Variants in PRMT8 observed in about 807,000 individuals in gnomAD.
PRMT8 encodes protein arginine N-methyltransferase 8.
Under a neutral mutation model 47.1 loss-of-function variants are expected in PRMT8, and 7 were observed. The ratio of observed to expected loss-of-function variants is 0.15; its 90% CI spans 0.08 to 0.28. The LOEUF (loss-of-function observed/expected upper bound fraction) is 0.28, where lower values mean the gene tolerates loss of function less well. PRMT8 is among the 10% of genes least tolerant of loss of function. The pLI is 1.00. For missense variants in PRMT8, 237 were observed against 505.4 expected, an observed-to-expected ratio of 0.47 and a Z score of 5.09; for synonymous variants, 188 against 186.5, an observed-to-expected ratio of 1.01 and a Z score of -0.07.
At chr12:3,391,770 G>A (rs548939443) in intron 1 of PRMT8, among the ~76,000 whole-genome samples, 2 of 152,290 alleles carry the variant, frequency 1.3e-5, no homozygotes, top group South Asian at 2.1e-4. Context: ...GATGGTACAC[G>A]ATAGATGTTT....
intron 4 of PRMT8, 61 bp from the exon 5 acceptor site, chr12:3,568,645 G>A (rs940012581): frequency 3.1e-6 from 5 of 1,598,806 alleles, no homozygotes; most frequent in Non-Finnish European, 3.4e-6. Context: ...CTGAAGTGAG[G>A]TGCTTGTGGT....
chr12:3,391,239 C>T (rs979636848), intron 1 of PRMT8, among the ~76,000 whole-genome samples: 2 of 152,184 alleles, frequency 1.3e-5, no homozygotes, highest in African/African-American at 4.8e-5. Flanking sequence ...GCTTGCAATC[C>T]ACTGGAGGGG....
intron 1 of PRMT8, among the ~76,000 whole-genome samples, chr12:3,438,162 A>T (rs1238710583): frequency 6.6e-6 from 1 of 152,102 alleles, no homozygotes; most frequent in Non-Finnish European, 1.5e-5. Context: ...CGCACCTGTG[A>T]GGCATCTGGC....
At chr12:3,579,601 T>C (rs1867014191) in intron 7 of PRMT8, among the ~76,000 whole-genome samples, 1 of 152,192 alleles carries the variant, frequency 6.6e-6, no homozygotes. Flanking sequence ...CGATTGTCTG[T>C]GTTTGCTTCT....
At chr12:3,482,758 A>G (rs1255077820) in intron 1 of PRMT8, among the ~76,000 whole-genome samples, 2 of 152,158 alleles carry the variant, frequency 1.3e-5, no homozygotes, top group African/African-American at 4.8e-5. Flanking sequence ...TGTCACCTTC[A>G]GCCATACGCC....
chr12:3,486,618 G>C (rs1192718774), upstream of PRMT8, among the ~76,000 whole-genome samples: 1 of 152,196 alleles, frequency 6.6e-6, no homozygotes, highest in Non-Finnish European at 1.5e-5. Context: ...GAAAGGAGTA[G>C]AGTATACAAC....
rs377020419 is a variant in PRMT8 at position 3,587,087 on chromosome 12, C to A, written c.979+3879C>A. On this transcript the variant is annotated intron_variant, in intron 8 of 9. Coordinates refer to ENST00000382622, the MANE Select transcript of PRMT8 (RefSeq NM_019854.5). Reference sequence around the variant, plus strand: ...TTTCTGTTTTTATGGATCTCAGATGCACAGACTTAGATTAATCCTAATTCT... The same window carrying A: ...TTTCTGTTTTTATGGATCTCAGATGAACAGACTTAGATTAATCCTAATTCT... Among the ~76,000 whole-genome samples, 4 of 152,078 alleles carry A rather than the reference C, an allele frequency of 2.6e-5. No individual in the cohort carries two copies. In the East Asian group the frequency reaches 5.8e-4, roughly 22 times the overall value.
intron 1 of PRMT8, among the ~76,000 whole-genome samples, chr12:3,507,754 CCTT>C (rs1327857067): frequency 6.7e-5 from 10 of 150,066 alleles, no homozygotes; most frequent in Admixed American, 2.0e-4. Flanking sequence ...TTTTTCTTCT[CCTT>C]CTTTTTTTTT....
rs1866780984 is a variant in PRMT8 at position 3,568,719 on chromosome 12, T to C, written c.495T>C (p.Phe165=). The C allele has an allele frequency of 1.2e-6, 2 of 1,614,100 alleles. No individual in the cohort carries two copies. The highest frequency in any genetic ancestry group is 2.7e-5 in the African/African-American group (2 of 75,010). ...CTTATTTTCCAGTCATCACCATATT[T>C]AAGGGTAAAGTGGAAGAGGTGGAGC... ...ANHLDNIITI[F]KGKVEEVELP... The change falls in exon 5 of 10, where the codon TTT becomes TTC. Residue 165 remains phenylalanine, a synonymous_variant. Transcript: ENST00000382622.
At chr12:3,525,752 C>G (rs770273118) in intron 1 of PRMT8, among the ~76,000 whole-genome samples, 2 of 152,018 alleles carry the variant, frequency 1.3e-5, no homozygotes, top group Non-Finnish European at 1.5e-5. Flanking sequence ...TTTCACAGGC[C>G]TTAAGTCTAA....
intron 1 of PRMT8, among the ~76,000 whole-genome samples, chr12:3,464,522 A>AT (rs1175524993): frequency 6.6e-6 from 1 of 151,894 alleles, no homozygotes; most frequent in East Asian, 1.9e-4. Flanking sequence ...GGTAAATGTA[A>AT]TTTTTCCAAG....
chr12:3,588,245 G>A (rs1448101152), intron 8 of PRMT8, among the ~76,000 whole-genome samples: 2 of 152,328 alleles, frequency 1.3e-5, no homozygotes, highest in South Asian at 4.1e-4. Context: ...CATTAAAGAA[G>A]CTTCTTGGTG....
intron 1 of PRMT8, among the ~76,000 whole-genome samples, chr12:3,445,267 G>T (rs1057165302): frequency 2.0e-5 from 3 of 152,220 alleles, no homozygotes. Context: ...AGGTGGCCGG[G>T]GAGGAGTGAT....
rs560194538 is a variant in PRMT8, at chr12:3,580,680, G to A, written c.829-2378G>A. On this transcript the variant is annotated intron_variant, in intron 7 of 9. Coordinates refer to ENST00000382622, the MANE Select transcript of PRMT8 (RefSeq NM_019854.5). This position sits in a 1 kb window ranked among gnomAD's most constrained non-coding sequence, Gnocchi z 4.6. ...GCAAGGGCGAAGGTGGTGAGACTGC[G>A]ATATGAGCCAGAAGTGAGATTGGAA... Among the ~76,000 whole-genome samples the A allele has an allele frequency of 1.1e-4, 16 of 152,246 alleles. No individual in the cohort carries two copies. In the South Asian group the frequency reaches 1.7e-3, roughly 16 times the overall value.
chr12:3,554,726 C>G (rs1267658988), intron 4 of PRMT8, among the ~76,000 whole-genome samples: 1 of 152,184 alleles, frequency 6.6e-6, no homozygotes, highest in Middle Eastern at 3.2e-3. Flanking sequence ...AGTGTCCCTC[C>G]TGAGGGAGCC....
chr12:3,458,586 C>T (rs893522500), intron 1 of PRMT8, among the ~76,000 whole-genome samples: 1 of 152,260 alleles, frequency 6.6e-6, no homozygotes, highest in Admixed American at 6.5e-5. Context: ...TTACATCTTG[C>T]TTTTTGAGCC....
chr12:3,427,577 C>A (rs1031040559), intron 1 of PRMT8, among the ~76,000 whole-genome samples: 4 of 151,902 alleles, frequency 2.6e-5, no homozygotes, highest in African/African-American at 9.7e-5. Flanking sequence ...ACTTTCCTTA[C>A]ACACCTTGCA....
At chr12:3,394,915 C>T (rs2137047462) in intron 1 of PRMT8, among the ~76,000 whole-genome samples, 1 of 151,772 alleles carries the variant, frequency 6.6e-6, no homozygotes, top group African/African-American at 2.4e-5. Context: ...TTCAGAGATT[C>T]AACTTCTTCC....
At chr12:3,454,651 TA>T (rs1197691442) in intron 1 of PRMT8, among the ~76,000 whole-genome samples, 1 of 152,052 alleles carries the variant, frequency 6.6e-6, no homozygotes, top group East Asian at 1.9e-4. Context: ...ACCACCCCTA[TA>T]AACTTCATAA....
Sources: allele counts gnomAD v4.1 joint callset (sites outside exome capture counted in the v4.1 genomes callset), GRCh38; gene constraint gnomAD v4.1.1; non-coding constraint Gnocchi (gnomAD v3.1); transcripts MANE v1.5; gene names NCBI Gene and HGNC (gene_info 2026-07-23, HGNC 2026-07-21).